TANC1: variants seen among roughly 807,000 people sequenced by gnomAD.
TANC1 encodes the protein protein TANC1.
A neutral mutation model predicts 149.7 loss-of-function variants in TANC1; 77 were observed. The observed-to-expected ratio is 0.51, with a 90% CI of 0.43 to 0.62. TANC1 has a LOEUF of 0.62. Among genes scored for constraint, TANC1 ranks in the 20% least tolerant of loss-of-function variants. The pLI is 0.00. For missense variants in TANC1, 1,985 were observed against 2,321.8 expected, an observed-to-expected ratio of 0.85 and a Z score of 2.98; for synonymous variants, 854 against 925.0, an observed-to-expected ratio of 0.92 and a Z score of 1.39.
chr2:159,214,963 T>C (rs1381407802), intron 19 of TANC1, among the ~76,000 whole-genome samples: 1 of 152,222 alleles, frequency 6.6e-6, no homozygotes, highest in Non-Finnish European at 1.5e-5. Flanking sequence ...GCCTACAGAC[T>C]GGCCCTGAGC....
chr2:158,997,036 G>A (rs62182245), intron 1 of TANC1, among the ~76,000 whole-genome samples: 9,843 of 151,832 alleles, frequency 0.065, 481 homozygotes, highest in East Asian at 0.16. Context: ...GAATCTACCT[G>A]CTTTACAGTT....
At chr2:159,038,549 T>G (rs2040385814) in intron 2 of TANC1, among the ~76,000 whole-genome samples, 1 of 152,092 alleles carries the variant, frequency 6.6e-6, no homozygotes, top group Non-Finnish European at 1.5e-5. Context: ...TTATTGAGAG[T>G]TTTTAGCATG....
At position 159,198,463 on chromosome 2, in the gene TANC1, A is replaced by G. The variant is rs542039525; in HGVS notation, c.3166-512A>G. ...CAGATGCCTTGTCTCCCTGCAAGCC[A>G]GGCTTCCTGCCTCCATACCTGTGAC... On this transcript the variant is annotated intron_variant, in intron 18 of 26. Coordinates refer to ENST00000263635, the MANE Select transcript of TANC1 (RefSeq NM_033394.3). 2.2e-4 allele frequency among the ~76,000 whole-genome samples: 34 copies of G among 152,356 alleles called. No homozygotes were observed. The East Asian group carries it at 6.2e-3, about 28-fold the overall frequency.
At chr2:159,148,260 G>C (rs949802707) in intron 5 of TANC1, 1 of 152,202 alleles carries the variant, frequency 6.6e-6, no homozygotes, top group Non-Finnish European at 1.5e-5. Flanking sequence ...TAGAAGGTGA[G>C]AGACGTGTTA....
chr2:159,158,290 G>A (rs2053642879), intron 7 of TANC1, among the ~76,000 whole-genome samples: 1 of 152,066 alleles, frequency 6.6e-6, no homozygotes, highest in South Asian at 2.1e-4. Flanking sequence ...AGCCCGTGAG[G>A]TCGAGGCTGC....
chr2:159,228,361 G>A (rs758942068), intron 25 of TANC1: 2 of 254,588 alleles, frequency 7.9e-6, no homozygotes, highest in Non-Finnish European at 1.5e-5. Context: ...TAACTAATTT[G>A]TAACCGGTCG....
chr2:159,100,486 A>G (rs1269065760), intron 4 of TANC1, among the ~76,000 whole-genome samples: 1 of 152,248 alleles, frequency 6.6e-6, no homozygotes, highest in Non-Finnish European at 1.5e-5. Flanking sequence ...TATTTTTGCT[A>G]AATTCTTTGC....
chr2:159,163,692 C>CAGAT, intron 8 of TANC1, 146 bp downstream of exon 8: 5 of 796,374 alleles, frequency 6.3e-6, no homozygotes, highest in Non-Finnish European at 1.0e-5. Flanking sequence ...CCTCAGTTTA[C>CAGAT]TAATCTGTAA....
At chr2:159,154,888 T>A (rs1381173271) in intron 7 of TANC1, among the ~76,000 whole-genome samples, 1 of 152,212 alleles carries the variant, frequency 6.6e-6, no homozygotes, top group Non-Finnish European at 1.5e-5. Context: ...AGTTACTTAC[T>A]GTGAAAAGAA....
chr2:159,211,941 A>C (rs1276365995), intron 19 of TANC1, among the ~76,000 whole-genome samples: 4 of 152,240 alleles, frequency 2.6e-5, no homozygotes, highest in African/African-American at 9.6e-5. Context: ...CCCAGTTGCC[A>C]TGCCCGGGGT....
chr2:159,031,479 A>T (rs1398713625), intron 2 of TANC1, among the ~76,000 whole-genome samples: 1 of 152,214 alleles, frequency 6.6e-6, no homozygotes, highest in Non-Finnish European at 1.5e-5. Context: ...TTGAAAACTG[A>T]GAATTACTTA....
chr2:159,208,881 A>G (rs373691798), intron 19 of TANC1, among the ~76,000 whole-genome samples: 2 of 152,242 alleles, frequency 1.3e-5, no homozygotes, highest in Non-Finnish European at 2.9e-5. Flanking sequence ...GGCACAGCCT[A>G]TTGCTCCCAG....
At chr2:159,048,902 A>G (rs1050165926) in intron 2 of TANC1, among the ~76,000 whole-genome samples, 3 of 152,172 alleles carry the variant, frequency 2.0e-5, no homozygotes, top group Admixed American at 6.5e-5. Flanking sequence ...AAGTGCTGGG[A>G]TTACAGGCAT....
intron 7 of TANC1, among the ~76,000 whole-genome samples, chr2:159,159,486 C>T (rs115329270): frequency 0.01 from 1,573 of 151,078 alleles, 40 homozygotes; most frequent in African/African-American, 0.037. Context: ...AGAGTGCAGT[C>T]GTATTTCAGA....
intron 1 of TANC1, among the ~76,000 whole-genome samples, chr2:158,986,044 G>A (rs1015780032): frequency 6.6e-6 from 1 of 152,174 alleles, no homozygotes; most frequent in African/African-American, 2.4e-5. Flanking sequence ...TGGAGGGTCC[G>A]ATCTTACAAG....
chr2:158,978,112 G>A (rs561306476), intron 1 of TANC1, among the ~76,000 whole-genome samples: 40 of 152,196 alleles, frequency 2.6e-4, no homozygotes, highest in African/African-American at 9.2e-4. Context: ...TTGCAGATGG[G>A]TTGTAGGCTT....
chr2:159,024,972 G>A (rs1298872429), intron 2 of TANC1, among the ~76,000 whole-genome samples: 3 of 151,976 alleles, frequency 2.0e-5, no homozygotes, highest in South Asian at 2.1e-4. Flanking sequence ...TGTTACATTC[G>A]CACAGCAATG....
At chr2:159,084,449 A>G (rs2044627186) in intron 3 of TANC1, among the ~76,000 whole-genome samples, 1 of 152,110 alleles carries the variant, frequency 6.6e-6, no homozygotes, top group Non-Finnish European at 1.5e-5. Context: ...GCCTAGAAAC[A>G]TTGAGGCATT....
At chr2:159,096,346 T>G (rs912321096) in intron 3 of TANC1, among the ~76,000 whole-genome samples, 1 of 151,406 alleles carries the variant, frequency 6.6e-6, no homozygotes, top group Non-Finnish European at 1.5e-5. Flanking sequence ...CTCTTTCTTG[T>G]ATATATTTTT....
Sources: gnomAD v4.1 joint callset for allele counts (sites outside exome capture counted in the v4.1 genomes callset) on GRCh38, gnomAD v4.1.1 for gene constraint, MANE v1.5 for transcripts, NCBI Gene and HGNC (gene_info 2026-07-23, HGNC 2026-07-21) for gene names.